Variants in RNF150 observed in about 807,000 individuals in gnomAD.
RNF150 encodes the protein ring finger protein 150.
In RNF150, 24 loss-of-function variants were observed where a neutral mutation model predicts 39.3. The observed-to-expected ratio is 0.61, with a 90% CI of 0.44 to 0.86. The LOEUF is 0.86. RNF150 is among the 40% of genes least tolerant of loss of function. The pLI is 0.00. For missense variants in RNF150, 502 were observed against 587.8 expected (o/e 0.85, Z 1.51); for synonymous variants, 255 against 227.3 (o/e 1.12, Z -1.10).
chr4:141,030,438 G>A (rs1560698349), intron 1 of RNF150, among the ~76,000 whole-genome samples: 2 of 152,116 alleles, frequency 1.3e-5, no homozygotes, highest in African/African-American at 2.4e-5. Context: ...GGAATCATAT[G>A]ATATGATTCT....
At chr4:141,122,554 A>C (rs972426058) in intron 1 of RNF150, among the ~76,000 whole-genome samples, 5 of 152,174 alleles carry the variant, frequency 3.3e-5, no homozygotes, top group African/African-American at 1.2e-4. Flanking sequence ...CTAATCCCAT[A>C]CTCTGGAACT....
intron 6 of RNF150, among the ~76,000 whole-genome samples, chr4:140,875,677 A>G (rs1485492556): frequency 6.6e-6 from 1 of 152,204 alleles, no homozygotes; most frequent in African/African-American, 2.4e-5. Flanking sequence ...GGTGAGTTGG[A>G]TAACACATTA....
chr4:140,892,918 A>C lies in RNF150; in HGVS notation c.1198+18226T>G, dbSNP rs576123312. ...TCTTAAAAAAAAAATAAGCTAAAAG[A>C]TTAGCTGAGTGTGGTGGTGTGTACC... On this transcript the variant is annotated intron_variant, in intron 6 of 6. Coordinates refer to ENST00000515673, the MANE Select transcript of RNF150 (RefSeq NM_020724.2). 1.1e-4 allele frequency among the ~76,000 whole-genome samples: 16 copies of C among 152,050 alleles called. No individual in the cohort carries two copies. In the East Asian group the frequency reaches 2.9e-3, roughly 28 times the overall value.
intron 4 of RNF150, among the ~76,000 whole-genome samples, chr4:140,945,613 C>A (rs1560980601): frequency 2.7e-5 from 1 of 36,494 alleles, no homozygotes; most frequent in East Asian, 4.3e-4. Context: ...CATATATATA[C>A]TACATATATA....
At chr4:141,064,095 T>TC (rs1328055517) in intron 1 of RNF150, among the ~76,000 whole-genome samples, 1 of 152,194 alleles carries the variant, frequency 6.6e-6, no homozygotes, top group African/African-American at 2.4e-5. Context: ...TCTTTATTTT[T>TC]CCTTTTTACT....
At chr4:141,129,422 A>G (rs1050547179) in intron 1 of RNF150, among the ~76,000 whole-genome samples, 3 of 152,232 alleles carry the variant, frequency 2.0e-5, no homozygotes, top group Non-Finnish European at 2.9e-5. Context: ...ATTTAAATAC[A>G]TGAAGACAGA....
chr4:140,967,746 C>G lies in RNF150; in HGVS notation c.612G>C (p.Val204=). The G allele has an allele frequency of 1.2e-6, 2 of 1,613,530 alleles. No individual in the cohort carries two copies. The highest frequency in any genetic ancestry group is 1.7e-6 in the Non-Finnish European group (2 of 1,179,632). Residue 204 remains valine, a synonymous_variant, in exon 2 of 7, where the codon GTG becomes GTC. Transcript: ENST00000515673. Reference sequence around the variant, plus strand: ...AGACAAACACAACCGAAGTGCGGCTCACATATTTCTGCAAGTTCCGGGTTC... The same window carrying G: ...AGACAAACACAACCGAAGTGCGGCTGACATATTTCTGCAAGTTCCGGGTTC... The part of the protein sequence containing the change: ...TIGTRNLQKY[V]SRTSVVFVSI...
At chr4:140,932,292 A>C (rs1731678133) in intron 4 of RNF150, among the ~76,000 whole-genome samples, 1 of 152,258 alleles carries the variant, frequency 6.6e-6, no homozygotes, top group African/African-American at 2.4e-5. Context: ...GAACACTGAC[A>C]TTAATGTCAG....
chr4:140,884,932 T>A (rs1171212084), intron 6 of RNF150, among the ~76,000 whole-genome samples: 1 of 152,198 alleles, frequency 6.6e-6, no homozygotes, highest in Non-Finnish European at 1.5e-5. Flanking sequence ...ATTTTCCTCC[T>A]GGGCTTCCAA....
chr4:140,975,553 C>G (rs762281441), intron 1 of RNF150, among the ~76,000 whole-genome samples: 2 of 152,150 alleles, frequency 1.3e-5, no homozygotes, highest in Non-Finnish European at 2.9e-5. Context: ...CATTTTTAAA[C>G]CATTCTTTCT....
At chr4:141,155,431 G>C (rs1306843898) in intron 1 of RNF150, among the ~76,000 whole-genome samples, 4 of 151,976 alleles carry the variant, frequency 2.6e-5, no homozygotes, top group Admixed American at 1.3e-4. Context: ...GTTGCAGCCT[G>C]CAAGCCGGCC....
intron 1 of RNF150, among the ~76,000 whole-genome samples, chr4:141,018,110 G>A (rs1735349223): frequency 6.6e-6 from 1 of 152,130 alleles, no homozygotes; most frequent in Non-Finnish European, 1.5e-5. Context: ...TAGAAAGCAG[G>A]CTCAAAGATA....
chr4:141,091,424 T>C (rs972109706), intron 1 of RNF150, among the ~76,000 whole-genome samples: 3 of 152,172 alleles, frequency 2.0e-5, no homozygotes, highest in Non-Finnish European at 4.4e-5. Flanking sequence ...AATATTTAAA[T>C]ATCTGTGGAG....
chr4:141,015,470 T>A (rs1339433670), intron 1 of RNF150, among the ~76,000 whole-genome samples: 1 of 152,204 alleles, frequency 6.6e-6, no homozygotes, highest in African/African-American at 2.4e-5. Context: ...AAGTATTTTA[T>A]CTTCTTGGTT....
intron 1 of RNF150, among the ~76,000 whole-genome samples, chr4:141,203,209 C>A: frequency 4.7e-5 from 2 of 42,710 alleles, no homozygotes; most frequent in Non-Finnish European, 8.6e-5. Flanking sequence ...GATATATAAT[C>A]TTGGAGACGA....
chr4:141,092,656 A>G (rs76248241), intron 1 of RNF150, among the ~76,000 whole-genome samples: 366 of 152,202 alleles, frequency 2.4e-3, no homozygotes, highest in African/African-American at 8.4e-3. Context: ...CCCAGAGGAT[A>G]TAAAGTGAGT....
At chr4:141,139,469 C>T (rs1056757371) in intron 1 of RNF150, among the ~76,000 whole-genome samples, 9 of 152,270 alleles carry the variant, frequency 5.9e-5, no homozygotes, top group African/African-American at 1.4e-4. Flanking sequence ...TGAACCAGGT[C>T]GATTCTGCAT....
chr4:141,059,357 T>C (rs1366657539), intron 1 of RNF150, among the ~76,000 whole-genome samples: 2 of 152,112 alleles, frequency 1.3e-5, no homozygotes, highest in Non-Finnish European at 2.9e-5. Flanking sequence ...ACAGTCTAAA[T>C]AAACTAGGTT....
At chr4:141,111,761 C>T (rs182636823) in intron 1 of RNF150, among the ~76,000 whole-genome samples, 1 of 152,168 alleles carries the variant, frequency 6.6e-6, no homozygotes, top group East Asian at 1.9e-4. Context: ...GGGCATCATC[C>T]GAGGCCAATT....
Sources: gnomAD v4.1 joint callset for allele counts (sites outside exome capture counted in the v4.1 genomes callset) on GRCh38, gnomAD v4.1.1 for gene constraint, MANE v1.5 for transcripts, NCBI Gene and HGNC (gene_info 2026-07-23, HGNC 2026-07-21) for gene names.